Variants in RBFOX1 observed in about 807,000 individuals in gnomAD.
The protein encoded by RBFOX1 is RNA binding protein fox-1 homolog 1.
In RBFOX1, 8 loss-of-function variants were observed where a neutral mutation model predicts 57.7. The ratio of observed to expected loss-of-function variants is 0.14; its 90% CI spans 0.08 to 0.25. The LOEUF is 0.25. Ranked by LOEUF, RBFOX1 falls within the 10% of genes least tolerant of loss-of-function variation. The probability of loss-of-function intolerance (pLI) is 1.00; values close to 1 mark genes in which losing one functional copy is unlikely to be tolerated. For synonymous variants in RBFOX1, 326 were observed against 222.4 expected, an observed-to-expected ratio of 1.47 and a Z score of -4.15; for missense variants, 611 against 548.5, an observed-to-expected ratio of 1.11 and a Z score of -1.14.
intron 3 of RBFOX1, among the ~76,000 whole-genome samples, chr16:7,009,329 T>C (rs1007660010): frequency 3.3e-5 from 5 of 150,056 alleles, no homozygotes; most frequent in Middle Eastern, 3.4e-3. Context: ...TTTGTACATG[T>C]ATAATTTGAA....
chr16:6,082,176 C>CTTTTTTT (rs58215856), intron 1 of RBFOX1, among the ~76,000 whole-genome samples: 2 of 89,908 alleles, frequency 2.2e-5, no homozygotes, highest in Non-Finnish European at 4.0e-5. Context: ...AATACCAGTG[C>CTTTTTTT]TTTTTTTTTT....
intron 4 of RBFOX1, among the ~76,000 whole-genome samples, chr16:7,508,188 G>A (rs756155704): frequency 6.6e-6 from 1 of 150,934 alleles, no homozygotes; most frequent in Non-Finnish European, 1.5e-5. Flanking sequence ...AGTTTTAGCA[G>A]GTTGGCCTCA....
chr16:7,086,128 G>C (rs1202584092), intron 4 of RBFOX1, among the ~76,000 whole-genome samples: 1 of 152,050 alleles, frequency 6.6e-6, no homozygotes, highest in Non-Finnish European at 1.5e-5. Context: ...CATCTTGATG[G>C]GACTACCTAT....
chr16:6,250,109 T>G (rs1490277013), intron 1 of RBFOX1, among the ~76,000 whole-genome samples: 1 of 152,136 alleles, frequency 6.6e-6, no homozygotes, highest in East Asian at 1.9e-4. Context: ...GGCATGCTGG[T>G]TCAGCTCTGT....
chr16:6,684,675 G>C (rs1027191398), intron 3 of RBFOX1, among the ~76,000 whole-genome samples: 2 of 152,160 alleles, frequency 1.3e-5, no homozygotes, highest in Non-Finnish European at 2.9e-5. Context: ...AAGTTGATCT[G>C]GAGCCCTAGA....
At chr16:6,771,816 C>A (rs1277657864) in intron 3 of RBFOX1, among the ~76,000 whole-genome samples, 1 of 152,114 alleles carries the variant, frequency 6.6e-6, no homozygotes, top group Non-Finnish European at 1.5e-5. Flanking sequence ...GGCAATTGTA[C>A]CAAGACTGAG....
At chr16:5,965,770 G>A (rs963149735) in intron 4 of RBFOX1, among the ~76,000 whole-genome samples, 4 of 152,164 alleles carry the variant, frequency 2.6e-5, no homozygotes, top group South Asian at 2.1e-4. Flanking sequence ...CAGAGTAGCC[G>A]TTCTGAGTGT....
chr16:7,561,133 G>A (rs1165928940), intron 5 of RBFOX1, among the ~76,000 whole-genome samples: 1 of 152,190 alleles, frequency 6.6e-6, no homozygotes, highest in African/African-American at 2.4e-5. Context: ...TGTAGACACA[G>A]AGTATTTGTC....
intron 4 of RBFOX1, among the ~76,000 whole-genome samples, chr16:5,870,144 T>G (rs1166106454): frequency 6.7e-6 from 1 of 148,904 alleles, no homozygotes; most frequent in Non-Finnish European, 1.5e-5. Context: ...TTATATATTC[T>G]ATATATTATT....
intron 2 of RBFOX1, among the ~76,000 whole-genome samples, chr16:6,530,386 C>T (rs1207221497): frequency 3.9e-5 from 6 of 152,138 alleles, no homozygotes; most frequent in Non-Finnish European, 1.5e-5. Context: ...GTGCTACATT[C>T]CAAGAGGCTC....
chr16:5,743,933 A>C (rs1388943832), intron 3 of RBFOX1, among the ~76,000 whole-genome samples: 1 of 152,226 alleles, frequency 6.6e-6, no homozygotes, highest in Non-Finnish European at 1.5e-5. Context: ...CATCTTGATA[A>C]CAGAAACTTT....
intron 4 of RBFOX1, among the ~76,000 whole-genome samples, chr16:5,926,863 G>A (rs984003811): frequency 6.6e-6 from 1 of 152,170 alleles, no homozygotes; most frequent in Non-Finnish European, 1.5e-5. Context: ...GTTAAGTCGG[G>A]TATTTTTATT....
At chr16:5,667,637 T>C (rs182497262) in intron 3 of RBFOX1, among the ~76,000 whole-genome samples, 11 of 152,358 alleles carry the variant, frequency 7.2e-5, no homozygotes, top group Admixed American at 6.5e-4. Context: ...AAACTCTCTT[T>C]GGATTTTCTT....
At chr16:5,645,570 G>T (rs1021036469) in intron 3 of RBFOX1, among the ~76,000 whole-genome samples, 1 of 152,160 alleles carries the variant, frequency 6.6e-6, no homozygotes, top group African/African-American at 2.4e-5. Flanking sequence ...TATGAATTTT[G>T]CTTCAATTAA....
chr16:6,695,986 C>A (rs529194092), intron 3 of RBFOX1, among the ~76,000 whole-genome samples: 2 of 152,276 alleles, frequency 1.3e-5, no homozygotes, highest in South Asian at 4.1e-4. Flanking sequence ...TACAGACATA[C>A]ACACACTGAT....
At chr16:7,525,882 A>G (rs752985943) in intron 5 of RBFOX1, among the ~76,000 whole-genome samples, 1 of 152,152 alleles carries the variant, frequency 6.6e-6, no homozygotes, top group African/African-American at 2.4e-5. Flanking sequence ...CGTCACCCAC[A>G]TCTTGTCTGC....
chr16:7,165,692 G>T (rs556446381), intron 4 of RBFOX1, among the ~76,000 whole-genome samples: 2 of 151,884 alleles, frequency 1.3e-5, no homozygotes, highest in African/African-American at 4.8e-5. Flanking sequence ...GCCTTCCAAA[G>T]TGTTGGGATT....
At chr16:7,093,708 A>G (rs2061240675) in intron 4 of RBFOX1, among the ~76,000 whole-genome samples, 1 of 152,210 alleles carries the variant, frequency 6.6e-6, no homozygotes, top group South Asian at 2.1e-4. Flanking sequence ...TTTGTCTGGC[A>G]GAGGGAGTAA....
At chr16:5,666,550 T>G (rs928346676) in intron 3 of RBFOX1, among the ~76,000 whole-genome samples, 2 of 152,166 alleles carry the variant, frequency 1.3e-5, no homozygotes, top group African/African-American at 2.4e-5. Flanking sequence ...TTGGAACAGA[T>G]AGATGATATA....
Sources: gnomAD v4.1 joint callset for allele counts (sites outside exome capture counted in the v4.1 genomes callset) on GRCh38, gnomAD v4.1.1 for gene constraint, MANE v1.5 for transcripts, NCBI Gene and HGNC (gene_info 2026-07-23, HGNC 2026-07-21) for gene names.